MYO1C: variants seen among roughly 807,000 people sequenced by gnomAD.
MYO1C encodes unconventional myosin-Ic.
A neutral mutation model predicts 150.8 loss-of-function variants in MYO1C; 104 were observed. The ratio of observed to expected loss-of-function variants is 0.69; its 90% CI spans 0.59 to 0.81. The LOEUF (loss-of-function observed/expected upper bound fraction) is 0.81. Among genes scored for constraint, MYO1C ranks in the 30% least tolerant of loss-of-function variants. The pLI is 0.00. For missense variants in MYO1C, 1,504 were observed against 1,435.0 expected (o/e 1.05, Z -0.78); for synonymous variants, 663 against 579.9 (o/e 1.14, Z -2.06).
chr17:1,471,122 T>A lies in MYO1C; in HGVS notation c.2161A>T (p.Lys721Ter). 1 of 1,614,090 alleles carries A rather than the reference T, an allele frequency of 6.2e-7. No individual in the cohort carries two copies. Among genetic ancestry groups the A allele is most frequent in the Non-Finnish European group, 8.5e-7 (1 of 1,179,974 alleles). The change falls in exon 21 of 32, where the codon AAG (lysine) becomes TAG (stop). Residue 721 changes from lysine to a stop codon, truncating the protein, a stop_gained. Transcript: ENST00000648651. LOFTEE classifies it high-confidence loss of function. ...GRTKIFIRFPKTLFATEDALE... is the reference protein window; with the variant it reads ...GRTKIFIRFP ...GCATCCTCTGTGGCAAACAGGGTCT[T>A]GGGGAAGCGGATGAAGATCTTGGTC...
Position 1,467,257 on chromosome 17 carries a change from G to A in MYO1C, c.3150C>T (p.Asn1050=), listed in dbSNP as rs139599214. Residue 1050 remains asparagine (N), a synonymous_variant, in exon 31 of 32, where the codon AAC becomes AAT. Transcript: ENST00000648651. The stretch of plus-strand genomic sequence containing the variant: ...CCCCACTCACCACAGCCAGGTGCCC[G>A]TTCTTGGCCTTGGTGATGAGCAGCT... ...GSELLITKAK[N]GHLAVVAPRL... is the part of the protein sequence containing the mutation. 330 of 1,612,728 alleles carry A rather than the reference G, an allele frequency of 2.0e-4. No homozygotes were observed. Among genetic ancestry groups the A allele is most frequent in the Non-Finnish European group, 2.6e-4 (312 of 1,179,542 alleles).
In MYO1C at chr17:1,472,455, C is replaced by T. The variant is rs940443576; in HGVS notation, c.1798-227G>A. 4 of 567,046 alleles carry T rather than the reference C, an allele frequency of 7.1e-6. No individual in the cohort carries two copies. In the African/African-American group the frequency reaches 7.5e-5, roughly 11 times the overall value. The allele number at this position is 567,046 out of a possible 1,614,324, so 35.1% of individuals were successfully genotyped here. A position where few individuals can be genotyped will look rare whatever the true frequency, so the allele number is the denominator to read the frequency against. ...CTCAGTCTACGAGCCTCACTCCAGC[C>T]TAAAACTCCTGCTCAGGTCTCCCAG... On this transcript the variant is annotated intron_variant, in intron 17 of 31. Transcript: ENST00000648651.
At chr17:1,485,718 C>G in intron 1 of MYO1C, 1 of 1,173,778 alleles carries the variant, frequency 8.5e-7, no homozygotes, top group Non-Finnish European at 1.1e-6. Context: ...GCATCCTGCC[C>G]GGCCGGCCTG....
intron 17 of MYO1C, 125 bp downstream of exon 17, chr17:1,474,485 G>A: frequency 1.1e-6 from 1 of 897,504 alleles, no homozygotes. Flanking sequence ...GCCCCCTACA[G>A]ACACCTGCAG....
In MYO1C at chr17:1,492,483, GCCATTCCGC is replaced by G; in HGVS notation, c.-5_4del. 1 of 1,601,438 alleles carries G rather than the reference GCCATTCCGC, an allele frequency of 6.2e-7. No homozygotes were observed. The highest frequency in any genetic ancestry group is 8.5e-7 in the Non-Finnish European group (1 of 1,174,454). ...GGTGGGTACCAGCTCCACTTGCAGC[GCCATTCCGC>G]CCTGCGGAGAGCCAGCGGCCTGGGC... On this transcript the variant is annotated start_lost and 5_prime_UTR_variant, in exon 1 of 32. Transcript: ENST00000648651.
Position 1,468,097 on chromosome 17 carries a change from G to A in MYO1C, c.2787C>T (p.Asp929=), listed in dbSNP as rs950302067. 6.2e-7 allele frequency: 1 copy of A among 1,613,408 alleles called. No individual in the cohort carries two copies. Among genetic ancestry groups the A allele is most frequent in the African/African-American group, 1.3e-5 (1 of 74,854 alleles). The part of the protein sequence containing the change: ...IQYAVPVVKY[D]RKGYKPRSRQ... ...GGGAGCGAGGCTTGTAGCCCTTGCG[G>A]TCGTATTTCACAACAGGCACCGCAT... The change falls in exon 28 of 32, where the codon GAC becomes GAT. Residue 929 remains aspartate (D), a synonymous_variant. Coordinates refer to ENST00000648651, the MANE Select transcript of MYO1C (RefSeq NM_001080779.2).
rs755583364 is a variant in MYO1C at position 1,467,856 on chromosome 17, G to A, written c.2951C>T (p.Ala984Val). 4 of 1,597,942 alleles carry A rather than the reference G, an allele frequency of 2.5e-6. No individual in the cohort carries two copies. The highest frequency in any genetic ancestry group is 2.3e-5 in the East Asian group (1 of 44,050). Residue 984 changes from alanine to valine, a missense_variant, in exon 29 of 32, where the codon GCG (alanine) becomes GTG (valine). Coordinates refer to ENST00000648651, the MANE Select transcript of MYO1C (RefSeq NM_001080779.2). ...DSLFVLHVQR[A>V]DNKQKGDVVL... The stretch of plus-strand genomic sequence containing the variant: ...AAAAGGCACCTTTTGCTTATTGTCC[G>A]CACGCTGTACATGAAGCACAAAAAG...
At chr17:1,467,634 G>GGCC in intron 29 of MYO1C, 57 bp from the exon 30 acceptor site, 1 of 936,518 alleles carries the variant, frequency 1.1e-6, no homozygotes, top group Non-Finnish European at 1.4e-6. Context: ...AGGAACCCCC[G>GGCC]CCCCACCTCC....
At chr17:1,470,066 G>A in intron 24 of MYO1C, 109 bp downstream of exon 24, 1 of 1,177,868 alleles carries the variant, frequency 8.5e-7, no homozygotes, top group Non-Finnish European at 1.2e-6. Context: ...CTCAGCTCTG[G>A]TCCGGGCCCT....
chr17:1,489,686 CAAAG>C (rs1198768106), intron 1 of MYO1C, among the ~76,000 whole-genome samples: 2 of 151,174 alleles, frequency 1.3e-5, no homozygotes, highest in Non-Finnish European at 2.9e-5. Flanking sequence ...GTCAAACAAA[CAAAG>C]AAACAAAGCA....
In MYO1C at chr17:1,484,318, C is replaced by T. The variant is rs1314129582; in HGVS notation, c.76-15G>A. The stretch of plus-strand genomic sequence containing the variant: ...CTGCCCAGGGCCTGCAGAGAATGGG[C>T]CACAGAAGAGGGTCAGAGTCATCGG... On this transcript the variant is annotated splice_polypyrimidine_tract_variant and intron_variant, in intron 1 of 31. Coordinates refer to ENST00000648651, the MANE Select transcript of MYO1C (RefSeq NM_001080779.2). 2 of 1,607,656 alleles carry T rather than the reference C, an allele frequency of 1.2e-6. No homozygotes were observed. Among genetic ancestry groups the T allele is most frequent in the Non-Finnish European group, 1.7e-6 (2 of 1,179,980 alleles).
At chr17:1,472,929 G>C (rs375420555) in intron 17 of MYO1C, among the ~76,000 whole-genome samples, 1 of 152,198 alleles carries the variant, frequency 6.6e-6, no homozygotes, top group East Asian at 1.9e-4. Flanking sequence ...AGCCGGGCGC[G>C]GTGGCTCACG....
chr17:1,478,281 A>G lies in MYO1C; in HGVS notation c.1296-89T>C. 6.4e-7 allele frequency: 1 copy of G among 1,554,218 alleles called. No homozygotes were observed. The highest frequency in any genetic ancestry group is 8.9e-7 in the Non-Finnish European group (1 of 1,126,538). On this transcript the variant is annotated intron_variant, in intron 11 of 31. Transcript: ENST00000648651. The surrounding 1 kb of genome is among the most constrained non-coding windows in gnomAD (Gnocchi z 6.3). Reference sequence around the variant, plus strand: ...GCTGGACGACGCCCCTGAGCACAGGAGGTGAGAAACACAGAGACAGTCCCC... The same window carrying G: ...GCTGGACGACGCCCCTGAGCACAGGGGGTGAGAAACACAGAGACAGTCCCC...
chr17:1,467,381 AGACCCCCAACCCTAAGGTG>A, intron 30 of MYO1C, 40 bp from the exon 31 acceptor site: 1 of 1,599,668 alleles, frequency 6.3e-7, no homozygotes, highest in Non-Finnish European at 8.5e-7. Flanking sequence ...CCATGGAGGC[AGACCCCCAACCCTAAGGTG>A]GACCCCCACC....
chr17:1,481,610 C>T (rs1337080543), intron 5 of MYO1C, among the ~76,000 whole-genome samples: 1 of 151,552 alleles, frequency 6.6e-6, no homozygotes, highest in African/African-American at 2.4e-5. Flanking sequence ...AAGCAATTCT[C>T]CTGCCTCAGC....
chr17:1,466,861 G>C (rs933657979), intron 31 of MYO1C, among the ~76,000 whole-genome samples: 1 of 151,160 alleles, frequency 6.6e-6, no homozygotes, highest in Non-Finnish European at 1.5e-5. Context: ...TCCTGATCTC[G>C]GGTGATCCAC....
At position 1,474,995 on chromosome 17, in the gene MYO1C, C is replaced by T; in HGVS notation, c.1612G>A (p.Gly538Ser). The part of the protein sequence containing the change: ...LADQRTRKSL[G>S]RGEFRLLHYA... ...TGCAGAAGGCGGAATTCCCCTCGGCCCAGAGATTTCCTGGTCCGCTGGTCA... is the reference window on the plus strand; with the variant it reads ...TGCAGAAGGCGGAATTCCCCTCGGCTCAGAGATTTCCTGGTCCGCTGGTCA... Residue 538 changes from glycine to serine, a missense_variant, in exon 15 of 32, where the codon GGC becomes AGC. By Grantham distance (56) the Gly-to-Ser change is moderately conservative (BLOSUM62 0). Coordinates refer to ENST00000648651, the MANE Select transcript of MYO1C (RefSeq NM_001080779.2). The T allele has an allele frequency of 6.4e-7, 1 of 1,555,538 alleles. No homozygotes were observed. The highest frequency in any genetic ancestry group is 8.7e-7 in the Non-Finnish European group (1 of 1,149,078).
At chr17:1,480,922 G>A (rs986926346) in intron 5 of MYO1C, 37 bp from the exon 6 acceptor site, 4 of 1,609,198 alleles carry the variant, frequency 2.5e-6, no homozygotes, top group African/African-American at 2.7e-5. Flanking sequence ...GGGTCACGGG[G>A]ACTGGGAAAA....
chr17:1,484,445 G>A (rs2074608678), intron 1 of MYO1C, 142 bp from the exon 2 acceptor site: 1 of 973,400 alleles, frequency 1.0e-6, no homozygotes, highest in East Asian at 2.6e-5. Flanking sequence ...ACGGGTGCGG[G>A]GGGCCTGGGT....
Sources: allele counts gnomAD v4.1 joint callset (sites outside exome capture counted in the v4.1 genomes callset), GRCh38; gene constraint gnomAD v4.1.1; non-coding constraint Gnocchi (gnomAD v3.1); transcripts MANE v1.5; gene names NCBI Gene and HGNC (gene_info 2026-07-23, HGNC 2026-07-21).